PRKG1: variants seen among roughly 807,000 people sequenced by gnomAD.
PRKG1 encodes cGMP-dependent protein kinase 1.
A neutral mutation model predicts 88.1 loss-of-function variants in PRKG1; 35 were observed. The observed-to-expected ratio is 0.40, with a 90% CI of 0.30 to 0.53. The LOEUF is 0.53. Among genes scored for constraint, PRKG1 ranks in the 20% least tolerant of loss-of-function variants. The pLI is 0.59. For synonymous variants in PRKG1, 303 were observed against 292.5 expected, an observed-to-expected ratio of 1.04 and a Z score of -0.37; for missense variants, 540 against 839.8, an observed-to-expected ratio of 0.64 and a Z score of 4.41.
intron 3 of PRKG1, among the ~76,000 whole-genome samples, chr10:51,522,870 C>T (rs866249324): frequency 2.0e-5 from 3 of 152,026 alleles, no homozygotes; most frequent in Non-Finnish European, 4.4e-5. Context: ...CTTTAATGCT[C>T]TTAAGGTGTG....
At chr10:51,554,841 C>G (rs1380204809) in intron 3 of PRKG1, among the ~76,000 whole-genome samples, 6 of 151,768 alleles carry the variant, frequency 4.0e-5, no homozygotes, top group Non-Finnish European at 8.8e-5. Context: ...TCTGACAATA[C>G]TTCACTGTAA....
At chr10:51,648,811 G>C (rs1020509708) in intron 3 of PRKG1, among the ~76,000 whole-genome samples, 1 of 152,082 alleles carries the variant, frequency 6.6e-6, no homozygotes, top group African/African-American at 2.4e-5. Context: ...GGAAAACAGA[G>C]CATTTCTAGG....
chr10:51,440,491 A>G (rs1029329183), intron 2 of PRKG1, among the ~76,000 whole-genome samples: 4 of 151,944 alleles, frequency 2.6e-5, no homozygotes, highest in Admixed American at 2.0e-4. Flanking sequence ...GGGAAAAACT[A>G]CATAAAGATT....
chr10:51,859,172 C>T lies in PRKG1; in HGVS notation c.699-48335C>T, dbSNP rs74584524. Among the ~76,000 whole-genome samples, 433 of 152,298 alleles carry T rather than the reference C, an allele frequency of 2.8e-3. 11 individuals are homozygous for T. In the East Asian group the frequency reaches 0.038, roughly 13 times the overall value. The stretch of plus-strand genomic sequence containing the variant: ...ATTTGATTCCCTTTAAATTGGCGTT[C>T]AAATGTGTATTTACACAGATGTTCG... On this transcript the variant is annotated intron_variant, in intron 4 of 17. Transcript: ENST00000373980.
chr10:51,770,390 G>C lies in PRKG1; in HGVS notation c.593-34195G>C, dbSNP rs546440505. Among the ~76,000 whole-genome samples the C allele has an allele frequency of 6.6e-4, 100 of 152,290 alleles. 1 individual carries two copies. The highest frequency in any genetic ancestry group is 2.3e-3 in the African/African-American group (96 of 41,576). ...CATCTGGAAGGGCCATCAGCAGTAT[G>C]GTATTTAAAGTTATTAATTGATCTA... On this transcript the variant is annotated intron_variant, in intron 3 of 17. Transcript: ENST00000373980.
At chr10:51,010,246 A>G (rs1289675851) in intron 1 of PRKG1, among the ~76,000 whole-genome samples, 1 of 152,252 alleles carries the variant, frequency 6.6e-6, no homozygotes, top group African/African-American at 2.4e-5. Flanking sequence ...TACATTAAGC[A>G]TCTTTGCCAA....
intron 17 of PRKG1, among the ~76,000 whole-genome samples, chr10:52,292,791 C>A (rs1485979487): frequency 2.6e-5 from 4 of 151,814 alleles, no homozygotes; most frequent in African/African-American, 9.7e-5. Flanking sequence ...ATGACAAACC[C>A]ACAGCCAATA....
chr10:51,283,195 C>A (rs189668930), intron 2 of PRKG1, among the ~76,000 whole-genome samples: 4 of 151,392 alleles, frequency 2.6e-5, no homozygotes, highest in African/African-American at 9.7e-5. Context: ...CAAGGAAAAT[C>A]GTGGAGAAGC....
intron 5 of PRKG1, among the ~76,000 whole-genome samples, chr10:51,999,360 T>A (rs1844535987): frequency 6.6e-6 from 1 of 152,202 alleles, no homozygotes; most frequent in African/African-American, 2.4e-5. Flanking sequence ...CAGACCCATA[T>A]GATGGGCTTT....
At chr10:52,250,337 T>G (rs759634916) in intron 9 of PRKG1, among the ~76,000 whole-genome samples, 4 of 152,236 alleles carry the variant, frequency 2.6e-5, no homozygotes, top group Non-Finnish European at 4.4e-5. Flanking sequence ...ACAATTGACT[T>G]GTTAAAAAAC....
intron 1 of PRKG1, among the ~76,000 whole-genome samples, chr10:51,039,303 T>C (rs1362542291): frequency 6.6e-6 from 1 of 152,196 alleles, no homozygotes; most frequent in South Asian, 2.1e-4. Flanking sequence ...TATCTCATTG[T>C]AGTTTTGATT....
chr10:52,293,077 A>G (rs1842293393), intron 17 of PRKG1, among the ~76,000 whole-genome samples: 1 of 150,874 alleles, frequency 6.6e-6, no homozygotes, highest in Non-Finnish European at 1.5e-5. Flanking sequence ...AGGATACAAA[A>G]TCAATGTACA....
At chr10:52,050,164 A>G in intron 5 of PRKG1, among the ~76,000 whole-genome samples, 1 of 152,082 alleles carries the variant, frequency 6.6e-6, no homozygotes, top group East Asian at 1.9e-4. Context: ...GAAGTATGGC[A>G]GTAGGAGTGC....
At chr10:52,244,108 G>A (rs1349956523) in intron 9 of PRKG1, among the ~76,000 whole-genome samples, 1 of 151,980 alleles carries the variant, frequency 6.6e-6, no homozygotes, top group East Asian at 1.9e-4. Context: ...TCCTTCCACT[G>A]CTAAAAGGAT....
At chr10:52,181,392 A>AC (rs1839021516) in intron 9 of PRKG1, among the ~76,000 whole-genome samples, 1 of 149,776 alleles carries the variant, frequency 6.7e-6, no homozygotes, top group Non-Finnish European at 1.5e-5. Context: ...TTATAATGAA[A>AC]AGAGGTTTAT....
At chr10:51,506,507 T>G (rs1400278008) in intron 3 of PRKG1, among the ~76,000 whole-genome samples, 1 of 152,212 alleles carries the variant, frequency 6.6e-6, no homozygotes, top group Non-Finnish European at 1.5e-5. Flanking sequence ...GAACAGATAC[T>G]TCTCAAAAGA....
chr10:51,126,435 A>G lies in PRKG1; in HGVS notation c.312-26729A>G, dbSNP rs1287617718. 2.8e-5 allele frequency among the ~76,000 whole-genome samples: 4 copies of G among 140,424 alleles called. No individual in the cohort carries two copies. The Admixed American group carries it at 2.9e-4, about 10-fold the overall frequency. The allele number at this position is 140,424 out of a possible 152,430, so 92.1% of individuals were successfully genotyped here. A position where few individuals can be genotyped will look rare whatever the true frequency, so the allele number is the denominator to read the frequency against. On this transcript the variant is annotated intron_variant, in intron 1 of 17. Transcript: ENST00000373980. ...ATATAATTCATATATTCATATATTT[A>G]TATAAATATTCATATATTTATATAT... is the stretch of plus-strand genomic sequence containing the variant.
rs138987954 is a variant in PRKG1 at position 52,017,467 on chromosome 10, C to T, written c.763-37017C>T. On this transcript the variant is annotated intron_variant, in intron 5 of 17. Coordinates refer to ENST00000373980, the MANE Select transcript of PRKG1 (RefSeq NM_006258.4). ...ATGCCAGGGAAAGAAGATTCTGGGGCGATTCCAAGGTTTTGGGTAGATAGT... is the reference window on the plus strand; with the variant it reads ...ATGCCAGGGAAAGAAGATTCTGGGGTGATTCCAAGGTTTTGGGTAGATAGT... 2.3e-4 allele frequency among the ~76,000 whole-genome samples: 35 copies of T among 152,024 alleles called. No individual in the cohort carries two copies. In the East Asian group the frequency reaches 2.9e-3, roughly 13 times the overall value.
intron 4 of PRKG1, among the ~76,000 whole-genome samples, chr10:51,836,951 T>C (rs1259906323): frequency 6.6e-6 from 1 of 152,194 alleles, no homozygotes; most frequent in African/African-American, 2.4e-5. Context: ...TTGGAATGAA[T>C]GCACAATTAC....
Sources: gnomAD v4.1 joint callset for allele counts (sites outside exome capture counted in the v4.1 genomes callset) on GRCh38, gnomAD v4.1.1 for gene constraint, MANE v1.5 for transcripts, NCBI Gene and HGNC (gene_info 2026-07-23, HGNC 2026-07-21) for gene names.